The following WWOX variants were observed in gnomAD, a reference collection of about 807,000 sequenced individuals.
WWOX encodes the protein WW domain containing oxidoreductase.
In WWOX, 69 loss-of-function variants were observed where a neutral mutation model predicts 46.2. The ratio of observed to expected loss-of-function variants is 1.49; its 90% CI spans 1.23 to 1.82. The LOEUF (loss-of-function observed/expected upper bound fraction) is 1.82, where lower values mean the gene tolerates loss of function less well. Ranked by LOEUF, WWOX falls within the 40% of genes most tolerant of loss-of-function variation. WWOX has a pLI of 0.00. For missense variants in WWOX, 919 were observed against 542.6 expected (o/e 1.69, Z -6.89); for synonymous variants, 359 against 202.6 (o/e 1.77, Z -6.56).
chr16:79,025,672 A>T (rs547885870), intron 8 of WWOX, among the ~76,000 whole-genome samples: 38 of 152,164 alleles, frequency 2.5e-4, no homozygotes, highest in South Asian at 1.9e-3. Flanking sequence ...ATAAATTTCT[A>T]TTGTTTTAAG....
chr16:78,787,616 A>C lies in WWOX; in HGVS notation c.1056+354864A>C, dbSNP rs146618866. Among the ~76,000 whole-genome samples, 612 of 152,290 alleles carry C rather than the reference A, an allele frequency of 4.0e-3. 6 individuals are homozygous for C. Among genetic ancestry groups the C allele is most frequent in the South Asian group, 0.02 (94 of 4,814 alleles). On this transcript the variant is annotated intron_variant, in intron 8 of 8. Transcript: ENST00000566780. ...GTTGGCTGTTACGAATTATGCTGCT[A>C]TGATCATACATGTACTGTTTTTATG...
intron 8 of WWOX, among the ~76,000 whole-genome samples, chr16:79,096,306 C>A (rs975048945): frequency 6.6e-6 from 1 of 152,114 alleles, no homozygotes; most frequent in Non-Finnish European, 1.5e-5. Context: ...CTGAAGGCGT[C>A]CCCTGTTACT....
intron 8 of WWOX, among the ~76,000 whole-genome samples, chr16:78,984,732 A>G (rs2046751047): frequency 6.6e-6 from 1 of 152,208 alleles, no homozygotes. Context: ...CCGTTTAGTT[A>G]GAAGTGGTCA....
At chr16:78,235,414 GA>G (rs1430901168) in intron 5 of WWOX, among the ~76,000 whole-genome samples, 10 of 152,158 alleles carry the variant, frequency 6.6e-5, no homozygotes, top group African/African-American at 2.4e-4. Flanking sequence ...GTGCACTCAG[GA>G]TGCTCTTGGG....
intron 8 of WWOX, among the ~76,000 whole-genome samples, chr16:78,726,539 T>G (rs1453115104): frequency 6.6e-6 from 1 of 150,664 alleles, no homozygotes; most frequent in Non-Finnish European, 1.5e-5. Flanking sequence ...CAGCCTATCT[T>G]AATTCAATAC....
intron 8 of WWOX, among the ~76,000 whole-genome samples, chr16:78,465,814 AT>A (rs1330162041): frequency 6.6e-6 from 1 of 152,132 alleles, no homozygotes; most frequent in Admixed American, 6.6e-5. Flanking sequence ...TGAATAACTG[AT>A]CTTTACAGTC....
chr16:78,551,440 G>T (rs2044169811), intron 8 of WWOX: 1 of 152,202 alleles, frequency 6.6e-6, no homozygotes, highest in South Asian at 2.1e-4. Context: ...TTGCCCTGAT[G>T]TCTGGGAAAT....
At chr16:79,041,316 G>T (rs1302766762) in intron 8 of WWOX, among the ~76,000 whole-genome samples, 1 of 152,146 alleles carries the variant, frequency 6.6e-6, no homozygotes, top group African/African-American at 2.4e-5. Context: ...CCCAGCCTCT[G>T]TGTGTCACCT....
At chr16:78,895,550 A>G (rs1294568247) in intron 8 of WWOX, 1 of 152,210 alleles carries the variant, frequency 6.6e-6, no homozygotes, top group Non-Finnish European at 1.5e-5. Context: ...CACTGTCCAC[A>G]GGCAAAGATC....
intron 8 of WWOX, among the ~76,000 whole-genome samples, chr16:78,612,614 G>A (rs188132312): frequency 1.8e-4 from 27 of 152,290 alleles, no homozygotes; most frequent in African/African-American, 6.5e-4. Flanking sequence ...TAGGACTACA[G>A]TTGTGCACTA....
At chr16:78,227,002 C>T (rs1418820608) in intron 5 of WWOX, among the ~76,000 whole-genome samples, 1 of 152,200 alleles carries the variant, frequency 6.6e-6, no homozygotes, top group Non-Finnish European at 1.5e-5. Flanking sequence ...ATTTCTGTTA[C>T]CATTGGCATG....
chr16:78,767,260 G>A lies in WWOX; in HGVS notation c.1056+334508G>A, dbSNP rs114251065. 1.9e-3 allele frequency among the ~76,000 whole-genome samples: 296 copies of A among 152,012 alleles called. 2 individuals are homozygous for A. Among genetic ancestry groups the A allele is most frequent in the African/African-American group, 6.9e-3 (288 of 41,452 alleles). ...CTCAGCCTCCCAAGGAGCTAGAGGTGCATGCCACCATGCCTGGCTTTTTAA... is the reference window on the plus strand; with the variant it reads ...CTCAGCCTCCCAAGGAGCTAGAGGTACATGCCACCATGCCTGGCTTTTTAA... On this transcript the variant is annotated intron_variant, in intron 8 of 8. Coordinates refer to ENST00000566780, the MANE Select transcript of WWOX (RefSeq NM_016373.4).
At chr16:78,259,789 C>T (rs765149551) in intron 5 of WWOX, among the ~76,000 whole-genome samples, 3 of 149,912 alleles carry the variant, frequency 2.0e-5, no homozygotes, top group Non-Finnish European at 3.0e-5. Flanking sequence ...TTTTTTTTAC[C>T]TAGGAATTTC....
intron 8 of WWOX, among the ~76,000 whole-genome samples, chr16:79,037,137 G>A (rs1233486423): frequency 4.6e-5 from 7 of 152,122 alleles, no homozygotes; most frequent in Admixed American, 4.6e-4. Flanking sequence ...CTCAAGGAAG[G>A]GAGAGGAGCA....
intron 8 of WWOX, among the ~76,000 whole-genome samples, chr16:78,773,908 G>T (rs1192983571): frequency 6.6e-6 from 1 of 152,148 alleles, no homozygotes; most frequent in Non-Finnish European, 1.5e-5. Context: ...TCCAGAATTG[G>T]AATTTAACAC....
intron 8 of WWOX, among the ~76,000 whole-genome samples, chr16:78,476,256 G>T (rs2084346232): frequency 6.6e-6 from 1 of 152,164 alleles, no homozygotes; most frequent in Non-Finnish European, 1.5e-5. Context: ...GTGTCTGTTG[G>T]CTGCATAAAT....
Position 78,575,051 on chromosome 16 carries a change from ATATATATATATATATATATATAT to A in WWOX, c.1056+142300_1056+142322del, listed in dbSNP as rs2044835300. Among the ~76,000 whole-genome samples, 11 of 12,336 alleles carry A rather than the reference ATATATATATATATATATATATAT, an allele frequency of 8.9e-4. 2 individuals carry two copies. The East Asian group carries it at 0.031, about 35-fold the overall frequency. The allele number at this position is 12,336 out of a possible 152,430, so 8.1% of individuals were successfully genotyped here. A position where few individuals can be genotyped will look rare whatever the true frequency, so the allele number is the denominator to read the frequency against. ...TATATATATATATATATATATATATATATATATATATATATATATATATATATATATATATATATATATATTTA... is the reference window on the plus strand; with the variant it reads ...TATATATATATATATATATATATATAATATATATATATATATATATATTTA... On this transcript the variant is annotated intron_variant, in intron 8 of 8. Coordinates refer to ENST00000566780, the MANE Select transcript of WWOX (RefSeq NM_016373.4).
chr16:78,468,940 G>A (rs905982779), intron 8 of WWOX, among the ~76,000 whole-genome samples: 3 of 152,160 alleles, frequency 2.0e-5, no homozygotes, highest in Non-Finnish European at 4.4e-5. Context: ...ATATTCAAGA[G>A]CGAAACTTTT....
intron 5 of WWOX, among the ~76,000 whole-genome samples, chr16:78,367,138 C>G (rs889907548): frequency 2.0e-5 from 3 of 151,914 alleles, no homozygotes; most frequent in Non-Finnish European, 2.9e-5. Context: ...TGCCACCACG[C>G]CCGGCTAATT....
Sources: allele counts gnomAD v4.1 joint callset (sites outside exome capture counted in the v4.1 genomes callset), GRCh38; gene constraint gnomAD v4.1.1; transcripts MANE v1.5; gene names NCBI Gene and HGNC (gene_info 2026-07-23, HGNC 2026-07-21).